The following DDR2 variants were observed in gnomAD, a reference collection of about 807,000 sequenced individuals.
The protein encoded by DDR2 is discoidin domain-containing receptor 2.
In DDR2, 27 loss-of-function variants were observed where a neutral mutation model predicts 94.9. The ratio of observed to expected loss-of-function variants is 0.28; its 90% CI spans 0.21 to 0.39. The LOEUF (loss-of-function observed/expected upper bound fraction) is 0.39, where lower values mean the gene tolerates loss of function less well. Among genes scored for constraint, DDR2 ranks in the 10% least tolerant of loss-of-function variants. DDR2 has a pLI of 1.00. For synonymous variants in DDR2, 382 were observed against 377.2 expected, an observed-to-expected ratio of 1.01 and a Z score of -0.15; for missense variants, 783 against 1,076.0, an observed-to-expected ratio of 0.73 and a Z score of 3.81.
At position 162,728,178 on chromosome 1, in the gene DDR2, C is replaced by CTCTTTATATATATATAGATAGATATA. The variant is rs1266753487; in HGVS notation, c.82+9074_82+9099dup. 8.6e-3 allele frequency among the ~76,000 whole-genome samples: 1,153 copies of CTCTTTATATATATATAGATAGATATA among 133,580 alleles called. 9 individuals are homozygous for CTCTTTATATATATATAGATAGATATA. The highest frequency in any genetic ancestry group is 0.042 in the East Asian group (156 of 3,718). The allele number at this position is 133,580 out of a possible 152,430, so 87.6% of individuals were successfully genotyped here. ...TCTATATAAATATATAGATAGATAT[C>CTCTTTATATATATATAGATAGATATA]TCTTTATATATATATAGATAGATAT... On this transcript the variant is annotated intron_variant, in intron 3 of 17. Coordinates refer to ENST00000367921, the MANE Select transcript of DDR2 (RefSeq NM_006182.4).
intron 3 of DDR2, among the ~76,000 whole-genome samples, chr1:162,745,698 A>T (rs1356516612): frequency 6.6e-6 from 1 of 151,996 alleles, no homozygotes; most frequent in Non-Finnish European, 1.5e-5. Context: ...TTTTTCAGGT[A>T]CCATACTGTT....
chr1:162,689,841 TTAAAAAAA>T lies in DDR2; in HGVS notation c.-27-29195_-27-29188del, dbSNP rs1220479860. On this transcript the variant is annotated intron_variant, in intron 2 of 17. Transcript: ENST00000367921. Reference sequence around the variant, plus strand: ...CAACATGGTGAAACCCCATCTCTACTTAAAAAAAAAAAAAAAAAAAAAAAAATAGCCAG... The same window carrying T: ...CAACATGGTGAAACCCCATCTCTACTAAAAAAAAAAAAAAAAAATAGCCAG... Among the ~76,000 whole-genome samples the T allele has an allele frequency of 7.5e-4, 11 of 14,698 alleles. 3 individuals are homozygous for T. In the South Asian group the frequency reaches 0.034, roughly 46 times the overall value. The allele number at this position is 14,698 out of a possible 152,430, so 9.6% of individuals were successfully genotyped here.
chr1:162,640,043 G>A (rs1657046055), intron 1 of DDR2, among the ~76,000 whole-genome samples: 2 of 151,164 alleles, frequency 1.3e-5, no homozygotes, highest in African/African-American at 4.9e-5. Flanking sequence ...TGGGTGAAAT[G>A]ATTTTTTTTT....
intron 2 of DDR2, among the ~76,000 whole-genome samples, chr1:162,663,487 A>G (rs1317641728): frequency 6.6e-6 from 1 of 152,214 alleles, no homozygotes; most frequent in African/African-American, 2.4e-5. Context: ...GTAAGTAACA[A>G]AGAACTGCTG....
At chr1:162,639,547 T>G (rs183132042) in intron 1 of DDR2, among the ~76,000 whole-genome samples, 55 of 152,256 alleles carry the variant, frequency 3.6e-4, no homozygotes, top group African/African-American at 1.3e-3. Flanking sequence ...GAAAATAACA[T>G]AGGAAAAAAT....
At chr1:162,681,082 C>A (rs1303830459) in intron 2 of DDR2, among the ~76,000 whole-genome samples, 2 of 152,202 alleles carry the variant, frequency 1.3e-5, no homozygotes, top group African/African-American at 4.8e-5. Flanking sequence ...TAAGCCTGGG[C>A]TCTGCTTCCC....
chr1:162,666,161 A>C (rs539318569), intron 2 of DDR2, among the ~76,000 whole-genome samples: 31 of 152,196 alleles, frequency 2.0e-4, no homozygotes, highest in African/African-American at 7.5e-4. Flanking sequence ...TTCTGACTCA[A>C]CCTCACAAGA....
chr1:162,770,272 C>T, intron 11 of DDR2, 30 bp from the exon 12 acceptor site: 1 of 1,608,966 alleles, frequency 6.2e-7, no homozygotes, highest in Admixed American at 1.7e-5. Flanking sequence ...TTTGTGCCAA[C>T]ATGCCTTTCT....
At position 162,759,872 on chromosome 1, in the gene DDR2, G is replaced by A. The variant is rs1484743299; in HGVS notation, c.748G>A (p.Val250Met). The A allele has an allele frequency of 1.7e-5, 27 of 1,614,100 alleles. No homozygotes were observed. Among genetic ancestry groups the A allele is most frequent in the Non-Finnish European group, 2.3e-5 (27 of 1,180,016 alleles). Residue 250 changes from valine to methionine, a missense_variant, in exon 8 of 18, where the codon GTG becomes ATG. Physicochemically the swap from Val to Met is conservative, Grantham distance 21. Around this residue, in one of 2 missense-constraint regions of DDR2, gnomAD observed 519 missense variants for 647.9 expected, o/e 0.80. Transcript: ENST00000367921. ...DDFTQTHEYHVWPGYDYVGWR... is the reference protein window; with the variant it reads ...DDFTQTHEYHMWPGYDYVGWR... ...TTTCACCCAGACCCATGAATACCACGTGTGGCCCGGCTATGACTATGTGGG... is the reference window on the plus strand; with the variant it reads ...TTTCACCCAGACCCATGAATACCACATGTGGCCCGGCTATGACTATGTGGG...
chr1:162,734,020 C>A (rs1272976540), intron 3 of DDR2, among the ~76,000 whole-genome samples: 1 of 152,122 alleles, frequency 6.6e-6, no homozygotes, highest in Non-Finnish European at 1.5e-5. Flanking sequence ...TTTTTTCTGT[C>A]TCCCCTACCG....
chr1:162,694,596 T>A (rs1290481399), intron 2 of DDR2, among the ~76,000 whole-genome samples: 1 of 152,170 alleles, frequency 6.6e-6, no homozygotes, highest in Non-Finnish European at 1.5e-5. Flanking sequence ...TTTTCTTTTT[T>A]CCAGCCTCCC....
intron 2 of DDR2, among the ~76,000 whole-genome samples, chr1:162,676,351 A>G (rs994133274): frequency 3.3e-5 from 5 of 152,138 alleles, no homozygotes; most frequent in African/African-American, 4.8e-5. Context: ...TTATGCCCAC[A>G]CAGCACTTTC....
intron 2 of DDR2, among the ~76,000 whole-genome samples, chr1:162,711,901 G>A (rs1660933775): frequency 6.6e-6 from 1 of 152,042 alleles, no homozygotes; most frequent in Non-Finnish European, 1.5e-5. Flanking sequence ...AGACATTGCA[G>A]TAGGGCTTGT....
Position 162,765,768 on chromosome 1 carries a change from A to G in DDR2, c.1100-233A>G, listed in dbSNP as rs74707052. Among the ~76,000 whole-genome samples the G allele has an allele frequency of 3.1e-3, 459 of 149,132 alleles. 3 individuals carry two copies. Among genetic ancestry groups the G allele is most frequent in the African/African-American group, 0.011 (437 of 40,228 alleles). ...ACTGTTTCTTAAACTTTTTTGTACC[A>G]TAGCATCTAGTATGTAATATGTGAA... is the stretch of plus-strand genomic sequence containing the variant. On this transcript the variant is annotated intron_variant, in intron 9 of 17. Transcript: ENST00000367921.
chr1:162,753,089 G>T lies in DDR2; in HGVS notation c.83-6G>T. ...TCTCTTTTCTCTTTGGTTTCTCTTG[G>T]TCTAGCTATATGCCGCTATCCTCTG... is the stretch of plus-strand genomic sequence containing the variant. On this transcript the variant is annotated splice_polypyrimidine_tract_variant and splice_region_variant and intron_variant, in intron 3 of 17. Coordinates refer to ENST00000367921, the MANE Select transcript of DDR2 (RefSeq NM_006182.4). 6.2e-7 allele frequency: 1 copy of T among 1,612,392 alleles called. No homozygotes were observed. Among genetic ancestry groups the T allele is most frequent in the South Asian group, 1.1e-5 (1 of 91,010 alleles).
chr1:162,698,500 A>G (rs1211445595), intron 2 of DDR2, among the ~76,000 whole-genome samples: 1 of 151,774 alleles, frequency 6.6e-6, no homozygotes, highest in Non-Finnish European at 1.5e-5. Flanking sequence ...CTTCTCCTTT[A>G]TTTTTTACTT....
intron 1 of DDR2, among the ~76,000 whole-genome samples, chr1:162,649,354 A>G (rs1373581497): frequency 6.6e-6 from 1 of 152,142 alleles, no homozygotes; most frequent in Non-Finnish European, 1.5e-5. Flanking sequence ...ATATATTTAA[A>G]GAAATTAGGG....
intron 4 of DDR2, among the ~76,000 whole-genome samples, chr1:162,753,845 A>G (rs1663332003): frequency 6.6e-6 from 1 of 152,166 alleles, no homozygotes; most frequent in Non-Finnish European, 1.5e-5. Context: ...TATTGATTTT[A>G]TTAAAATGGA....
intron 3 of DDR2, among the ~76,000 whole-genome samples, chr1:162,749,533 A>T (rs1354271203): frequency 6.6e-6 from 1 of 152,196 alleles, no homozygotes; most frequent in Non-Finnish European, 1.5e-5. Context: ...CAACCAAAAA[A>T]AGTCCAGGAC....
Sources: gnomAD v4.1 joint callset for allele counts (sites outside exome capture counted in the v4.1 genomes callset) on GRCh38, gnomAD v4.1.1 for gene constraint, gnomAD v4.1.1 regional missense constraint, MANE v1.5 for transcripts, NCBI Gene and HGNC (gene_info 2026-07-23, HGNC 2026-07-21) for gene names.